Variants in NELFB observed in about 807,000 individuals in gnomAD.
The protein encoded by NELFB is negative elongation factor complex member B.
A neutral mutation model predicts 60.2 loss-of-function variants in NELFB; 34 were observed. The observed-to-expected ratio is 0.56, with a 90% CI of 0.43 to 0.75. The LOEUF is 0.75. Ranked by LOEUF, NELFB falls within the 30% of genes least tolerant of loss-of-function variation. The probability of loss-of-function intolerance (pLI) is 0.00; values close to 1 mark genes in which losing one functional copy is unlikely to be tolerated. For missense variants in NELFB, 770 were observed against 831.6 expected, an observed-to-expected ratio of 0.93 and a Z score of 0.91; for synonymous variants, 459 against 382.1, an observed-to-expected ratio of 1.20 and a Z score of -2.35.
At position 137,265,883 on chromosome 9, in the gene NELFB, G is replaced by A. The variant is rs763084422; in HGVS notation, c.1047G>A (p.Leu349=). The change falls in exon 7 of 13, where the codon CTG becomes CTA. Residue 349 remains leucine, a synonymous_variant. Transcript: ENST00000343053. Reference sequence around the variant, plus strand: ...CAGGGCGGCCTCCTTCCAGGGACCTGTCCATGATCCTGTGTGACCCCTTCG... The same window carrying A: ...CAGGGCGGCCTCCTTCCAGGGACCTATCCATGATCCTGTGTGACCCCTTCG... 2 of 1,612,184 alleles carry A rather than the reference G, an allele frequency of 1.2e-6. No homozygotes were observed. The highest frequency in any genetic ancestry group is 2.7e-5 in the African/African-American group (2 of 74,926).
At chr9:137,264,382 C>A in intron 6 of NELFB, 25 bp downstream of exon 6, 1 of 1,535,692 alleles carries the variant, frequency 6.5e-7, no homozygotes. Context: ...CACGAGGCCT[C>A]TGCCCCTCAG....
chr9:137,257,935 A>G (rs1293153005), intron 4 of NELFB, among the ~76,000 whole-genome samples: 1 of 151,790 alleles, frequency 6.6e-6, no homozygotes, highest in Non-Finnish European at 1.5e-5. Flanking sequence ...AGCTGGGACC[A>G]CAGGCACGTG....
chr9:137,256,274 G>A, intron 2 of NELFB, 55 bp from the exon 3 acceptor site: 1 of 1,536,618 alleles, frequency 6.5e-7, no homozygotes, highest in East Asian at 2.2e-5. Flanking sequence ...GGACAGGCAG[G>A]TAGCTGCTGC....
In NELFB at chr9:137,269,739, C is replaced by A. The variant is rs925870141; in HGVS notation, c.1490-2342C>A. Among the ~76,000 whole-genome samples, 1 of 152,188 alleles carries A rather than the reference C, an allele frequency of 6.6e-6. No homozygotes were observed. Among genetic ancestry groups the A allele is most frequent in the Non-Finnish European group, 1.5e-5 (1 of 68,034 alleles). On this transcript the variant is annotated intron_variant, in intron 10 of 12. Coordinates refer to ENST00000343053, the MANE Select transcript of NELFB (RefSeq NM_015456.5). The surrounding 1 kb of genome is among the most constrained non-coding windows in gnomAD (Gnocchi z 5.3). ...GATTTGTGTCAGTCACTGTGGAGTTCGCACAATGACAGACTCACCTGGGAG... is the reference window on the plus strand; with the variant it reads ...GATTTGTGTCAGTCACTGTGGAGTTAGCACAATGACAGACTCACCTGGGAG...
intron 6 of NELFB, among the ~76,000 whole-genome samples, chr9:137,264,751 G>A (rs1395755897): frequency 6.6e-6 from 1 of 151,888 alleles, no homozygotes; most frequent in Non-Finnish European, 1.5e-5. Context: ...ACAGGCATGC[G>A]CCACCGTGCC....
At chr9:137,260,020 G>A (rs558056153) in intron 4 of NELFB, among the ~76,000 whole-genome samples, 2 of 151,092 alleles carry the variant, frequency 1.3e-5, no homozygotes, top group South Asian at 2.1e-4. Flanking sequence ...GTGAGCCACC[G>A]TGCCTGGCCT....
intron 4 of NELFB, among the ~76,000 whole-genome samples, chr9:137,259,458 C>T (rs1263753803): frequency 6.6e-6 from 1 of 152,058 alleles, no homozygotes; most frequent in Non-Finnish European, 1.5e-5. Context: ...GGGCCTTTTT[C>T]TTGTTCCATT....
At chr9:137,262,416 G>A (rs967760372) in intron 4 of NELFB, among the ~76,000 whole-genome samples, 1 of 152,160 alleles carries the variant, frequency 6.6e-6, no homozygotes, top group South Asian at 2.1e-4. Flanking sequence ...ATAACAGAAG[G>A]CTCGCACTCT....
At chr9:137,259,652 A>G (rs1015952916) in intron 4 of NELFB, among the ~76,000 whole-genome samples, 1 of 150,194 alleles carries the variant, frequency 6.7e-6, no homozygotes, top group African/African-American at 2.4e-5. Context: ...TTTTTATTTT[A>G]TTTTATTTTA....
chr9:137,264,438 T>A, intron 6 of NELFB, 81 bp downstream of exon 6: 2 of 1,005,586 alleles, frequency 2.0e-6, no homozygotes, highest in Non-Finnish European at 3.0e-6. Flanking sequence ...TTGCCGTGGG[T>A]AGCAGGCGTT....
Position 137,256,448 on chromosome 9 carries a change from C to A in NELFB, c.510+20C>A. 4 of 1,606,672 alleles carry A rather than the reference C, an allele frequency of 2.5e-6. No individual in the cohort carries two copies. The highest frequency in any genetic ancestry group is 2.6e-6 in the Non-Finnish European group (3 of 1,174,450). On this transcript the variant is annotated intron_variant, in intron 3 of 12. Coordinates refer to ENST00000343053, the MANE Select transcript of NELFB (RefSeq NM_015456.5). Reference sequence around the variant, plus strand: ...CCCAAGGTAGGGCCCTAACCCTAACCCTGATGGCGTGGACCGTCCGCCCAC... The same window carrying A: ...CCCAAGGTAGGGCCCTAACCCTAACACTGATGGCGTGGACCGTCCGCCCAC...
Position 137,267,329 on chromosome 9 carries a change from G to T in NELFB, c.1472G>T (p.Arg491Leu), listed in dbSNP as rs1247990469. The T allele has an allele frequency of 6.2e-7, 1 of 1,610,880 alleles. No homozygotes were observed. The highest frequency in any genetic ancestry group is 1.3e-5 in the African/African-American group (1 of 74,882). ...CAGAGGAACAAGAACGCGCTCCTCCGCCTGCTGCCCGGGCTGGGTAAGTCC... is the reference window on the plus strand; with the variant it reads ...CAGAGGAACAAGAACGCGCTCCTCCTCCTGCTGCCCGGGCTGGGTAAGTCC... The change falls in exon 10 of 13, where the codon CGC (arginine) becomes CTC (leucine). Residue 491 changes from arginine to leucine, a missense_variant. By Grantham distance (102) the Arg-to-Leu change is moderately radical. Coordinates refer to ENST00000343053, the MANE Select transcript of NELFB (RefSeq NM_015456.5).
intron 10 of NELFB, among the ~76,000 whole-genome samples, chr9:137,270,995 G>T (rs537137100): frequency 6.6e-6 from 1 of 152,376 alleles, no homozygotes; most frequent in Non-Finnish European, 1.5e-5. Context: ...CTCCTCTGCC[G>T]ACTGACTGCC....
Position 137,256,969 on chromosome 9 carries a change from A to T in NELFB, c.656A>T (p.Glu219Val). Residue 219 changes from glutamate (E) to valine (V), a missense_variant, in exon 4 of 13, where the codon GAG becomes GTG. Physicochemically the swap from Glu to Val is moderately radical, Grantham distance 121. Transcript: ENST00000343053. ...CCACTCCTGAAGCAGTACATCCTGG[A>T]GAAGGAGAGCGCTCTCTTCAGTACA... 3 of 1,614,136 alleles carry T rather than the reference A, an allele frequency of 1.9e-6. No individual in the cohort carries two copies. Among genetic ancestry groups the T allele is most frequent in the Non-Finnish European group, 2.5e-6 (3 of 1,180,040 alleles).
chr9:137,266,453 A>G (rs770202254), intron 8 of NELFB, 27 bp downstream of exon 8: 38 of 1,594,110 alleles, frequency 2.4e-5, no homozygotes, highest in Non-Finnish European at 2.8e-5. Flanking sequence ...GGGGGCTGCC[A>G]GTTTCCTACG....
chr9:137,255,762 T>TGCTGGACG, intron 1 of NELFB, 145 bp from the exon 2 acceptor site: 1 of 1,477,384 alleles, frequency 6.8e-7, no homozygotes, highest in South Asian at 1.3e-5. Context: ...AGCACCCCTT[T>TGCTGGACG]GCTGGACGGC....
chr9:137,259,716 T>A (rs2118975941), intron 4 of NELFB, among the ~76,000 whole-genome samples: 1 of 151,058 alleles, frequency 6.6e-6, no homozygotes, highest in South Asian at 2.1e-4. Context: ...TTTTTATTTT[T>A]TTATTATTTA....
At chr9:137,257,315 TC>T (rs1057204661) in intron 4 of NELFB, among the ~76,000 whole-genome samples, 58 of 152,256 alleles carry the variant, frequency 3.8e-4, no homozygotes, top group African/African-American at 1.3e-3. Flanking sequence ...GTGAAGTTAA[TC>T]CCCCCTCCCC....
rs953742062 is a variant in NELFB at position 137,272,080 on chromosome 9, G to A, written c.1490-1G>A. ...TGGGCTGATGCCTGCTGTGTCTGCA[G>A]TGGAGACCTTTGGCGACTTGGCCTT... On this transcript the variant is annotated splice_acceptor_variant, in intron 10 of 12. Transcript: ENST00000343053. LOFTEE classifies it high-confidence loss of function. The A allele has an allele frequency of 6.2e-7, 1 of 1,614,082 alleles. No homozygotes were observed. The highest frequency in any genetic ancestry group is 2.2e-5 in the East Asian group (1 of 44,902).
Sources: gnomAD v4.1 joint callset for allele counts (sites outside exome capture counted in the v4.1 genomes callset) on GRCh38, gnomAD v4.1.1 for gene constraint, Gnocchi (gnomAD v3.1) non-coding constraint, MANE v1.5 for transcripts, NCBI Gene and HGNC (gene_info 2026-07-23, HGNC 2026-07-21) for gene names.